DSE: variants seen among roughly 807,000 people sequenced by gnomAD.
DSE encodes the protein dermatan-sulfate epimerase.
DSE carries 36 observed loss-of-function variants against 84.4 expected under a neutral mutation model. The observed-to-expected ratio is 0.43, with a 90% CI of 0.33 to 0.56. DSE has a LOEUF of 0.56. Among genes scored for constraint, DSE ranks in the 20% least tolerant of loss-of-function variants. The pLI, the probability that DSE is intolerant of heterozygous loss-of-function variation, is 0.06. For missense variants in DSE, 862 were observed against 1,169.6 expected, an observed-to-expected ratio of 0.74 and a Z score of 3.84; for synonymous variants, 410 against 430.1, an observed-to-expected ratio of 0.95 and a Z score of 0.58.
At chr6:116,421,457 ATATATATTTTTTTTTT>A (rs1783077501) in intron 2 of DSE, among the ~76,000 whole-genome samples, 3 of 75,778 alleles carry the variant, frequency 4.0e-5, no homozygotes, top group African/African-American at 2.2e-4. Flanking sequence ...ATATATATAT[ATATATATTTTTTTTTT>A]TTTTTTTTTT....
Position 116,430,987 on chromosome 6 carries a change from A to G in DSE, c.704A>G (p.Gln235Arg). Residue 235 changes from glutamine (Q) to arginine (R), a missense_variant, in exon 4 of 6, where the codon CAA (glutamine) becomes CGA (arginine). By Grantham distance (43) the Gln-to-Arg change is conservative (BLOSUM62 1). Coordinates refer to ENST00000644252, the MANE Select transcript of DSE (RefSeq NM_013352.4). ...YLQEAYLWTK[Q>R]VLTIMEKSLV... ...CAAGAAGCCTACTTATGGACCAAAC[A>G]AGTTCTGACCATCATGGAGAAATCT... 2 of 1,614,042 alleles carry G rather than the reference A, an allele frequency of 1.2e-6. No homozygotes were observed. The highest frequency in any genetic ancestry group is 8.5e-7 in the Non-Finnish European group (1 of 1,180,044).
rs528282548 is a variant in DSE, at chr6:116,372,778, T to A, written c.-54+1657T>A. Among the ~76,000 whole-genome samples the A allele has an allele frequency of 5.7e-4, 86 of 152,182 alleles. 1 individual carries two copies. The highest frequency in any genetic ancestry group is 1.6e-3 in the African/African-American group (66 of 41,514). Reference sequence around the variant, plus strand: ...TCACCTAGTGACCCGTCTGTGTGGGTTCAGCAAAAAGTGCAAGATAGTGCT... The same window carrying A: ...TCACCTAGTGACCCGTCTGTGTGGGATCAGCAAAAAGTGCAAGATAGTGCT... On this transcript the variant is annotated intron_variant, in intron 1 of 5. Transcript: ENST00000644252.
intron 2 of DSE, among the ~76,000 whole-genome samples, chr6:116,420,663 C>A (rs540604842): frequency 6.6e-6 from 1 of 152,168 alleles, no homozygotes; most frequent in African/African-American, 2.4e-5. Context: ...TGGGCTAAGA[C>A]AACAGTATAC....
intron 1 of DSE, among the ~76,000 whole-genome samples, chr6:116,377,189 A>T (rs755540172): frequency 8.5e-5 from 13 of 152,312 alleles, no homozygotes; most frequent in South Asian, 8.3e-4. Flanking sequence ...AGGGCTTTGC[A>T]TTTTTTATCA....
In DSE at chr6:116,392,469, G is replaced by C. The variant is rs1173166091; in HGVS notation, c.-53-6729G>C. 5.9e-5 allele frequency among the ~76,000 whole-genome samples: 9 copies of C among 152,278 alleles called. No individual in the cohort carries two copies. In the South Asian group the frequency reaches 1.9e-3, roughly 32 times the overall value. On this transcript the variant is annotated intron_variant, in intron 1 of 5. Transcript: ENST00000644252. ...TCCTAATCATGTAACTAACTATGGG[G>C]CCCATCCATTAAGTTGAGCAAACTG...
chr6:116,424,630 G>A (rs1377372470), intron 2 of DSE, among the ~76,000 whole-genome samples: 1 of 152,032 alleles, frequency 6.6e-6, no homozygotes, highest in Non-Finnish European at 1.5e-5. Flanking sequence ...ATCCAATTGC[G>A]AATACAATAG....
At chr6:116,418,700 G>T (rs1782882633) in intron 2 of DSE, among the ~76,000 whole-genome samples, 4 of 152,118 alleles carry the variant, frequency 2.6e-5, no homozygotes, top group Admixed American at 1.3e-4. Context: ...GCATGTTCTG[G>T]CTCAGTTCTT....
At chr6:116,275,152 C>A (rs1773067648) in intron 2 of DSE, among the ~76,000 whole-genome samples, 1 of 152,182 alleles carries the variant, frequency 6.6e-6, no homozygotes, top group Non-Finnish European at 1.5e-5. Context: ...AGCCACATTT[C>A]AAGTGCTCAA....
chr6:116,430,804 T>A, intron 3 of DSE, 150 bp from the exon 4 acceptor site: 1 of 1,044,398 alleles, frequency 9.6e-7, no homozygotes, highest in Non-Finnish European at 1.4e-6. Context: ...GATTACAAGA[T>A]GTTATTTATA....
chr6:116,325,094 A>T (rs1447164833), intron 2 of DSE, among the ~76,000 whole-genome samples: 3 of 147,550 alleles, frequency 2.0e-5, no homozygotes, highest in Non-Finnish European at 4.6e-5. Context: ...GGCTGGAACC[A>T]GGTGGCTGCT....
Position 116,441,176 on chromosome 6 carries a change from G to A in DSE, c.*3831G>A, listed in dbSNP as rs563586864. On this transcript the variant is annotated 3_prime_UTR_variant, in exon 6 of 6. Transcript: ENST00000644252. Reference sequence around the variant, plus strand: ...TTCCACTACATAGTCTAAATATTTAGTATTTGGTCATCTATTTTAATATGT... The same window carrying A: ...TTCCACTACATAGTCTAAATATTTAATATTTGGTCATCTATTTTAATATGT... 1 of 152,166 alleles carries A rather than the reference G, an allele frequency of 6.6e-6. No individual in the cohort carries two copies. The highest frequency in any genetic ancestry group is 1.9e-4 in the East Asian group (1 of 5,180). 9.4% of individuals were successfully genotyped at this position (152,166 alleles called of 1,614,324 possible).
intron 1 of DSE, among the ~76,000 whole-genome samples, chr6:116,372,282 C>T (rs897963616): frequency 2.6e-5 from 4 of 152,050 alleles, no homozygotes; most frequent in African/African-American, 9.7e-5. Context: ...TCCTGGCTAA[C>T]ACGGTGAAAC....
At chr6:116,265,216 G>A (rs1287046782) in intron 2 of DSE, among the ~76,000 whole-genome samples, 3 of 152,138 alleles carry the variant, frequency 2.0e-5, no homozygotes, top group Non-Finnish European at 4.4e-5. Context: ...GCACAGTCAT[G>A]CTGGAGGTGG....
chr6:116,437,245 C>T lies in DSE; in HGVS notation c.2777C>T (p.Ala926Val). 6.2e-7 allele frequency: 1 copy of T among 1,614,060 alleles called. No individual in the cohort carries two copies. The highest frequency in any genetic ancestry group is 1.3e-5 in the African/African-American group (1 of 74,984). The stretch of plus-strand genomic sequence containing the variant: ...ATGCAACTGACTTATTTCCAGAGGG[C>T]CCAGAGCCTACATGGCCAAAGATGT... ...LAMQLTYFQR[A>V]QSLHGQRCLY... is the part of the protein sequence containing the mutation. The change falls in exon 6 of 6, where the codon GCC (alanine) becomes GTC (valine). Residue 926 changes from alanine to valine, a missense_variant. Transcript: ENST00000644252.
upstream of DSE, among the ~76,000 whole-genome samples, chr6:116,368,881 C>T (rs1355138559): frequency 1.6e-5 from 2 of 122,320 alleles, no homozygotes; most frequent in African/African-American, 6.4e-5. Context: ...CTGTAGATTC[C>T]AGAGAGCAGA....
chr6:116,318,756 AT>A (rs1372057944), intron 2 of DSE, among the ~76,000 whole-genome samples: 3 of 152,218 alleles, frequency 2.0e-5, no homozygotes, highest in Non-Finnish European at 1.5e-5. Flanking sequence ...ATTTAAAAAT[AT>A]TTTTTGGAAG....
At chr6:116,279,193 T>A (rs764860145) in intron 2 of DSE, 16 of 1,611,138 alleles carry the variant, frequency 9.9e-6, no homozygotes, top group Non-Finnish European at 1.4e-5. Flanking sequence ...CTCCCTCGCC[T>A]CCTCCTCCAA....
At chr6:116,302,322 G>A (rs1337827604) in intron 2 of DSE, among the ~76,000 whole-genome samples, 2 of 152,078 alleles carry the variant, frequency 1.3e-5, no homozygotes, top group African/African-American at 2.4e-5. Flanking sequence ...TTTAATGATC[G>A]CCATTCTAGC....
chr6:116,343,337 G>T (rs1242743822), intron 2 of DSE, among the ~76,000 whole-genome samples: 1 of 152,248 alleles, frequency 6.6e-6, no homozygotes, highest in South Asian at 2.1e-4. Flanking sequence ...AGAATGGACA[G>T]ACTGCCTCCT....
Sources: allele counts gnomAD v4.1 joint callset (sites outside exome capture counted in the v4.1 genomes callset), GRCh38; gene constraint gnomAD v4.1.1; transcripts MANE v1.5; gene names NCBI Gene and HGNC (gene_info 2026-07-23, HGNC 2026-07-21).